The following TPR variants were observed in gnomAD, a reference collection of about 807,000 sequenced individuals.
The protein encoded by TPR is nucleoprotein TPR.
TPR carries 51 observed loss-of-function variants against 316.1 expected under a neutral mutation model. The observed-to-expected ratio is 0.16, with a 90% confidence interval of 0.13 to 0.20. The LOEUF is 0.20. Ranked by LOEUF, TPR falls within the 10% of genes least tolerant of loss-of-function variation. The probability of loss-of-function intolerance (pLI) is 1.00; values close to 1 mark genes in which losing one functional copy is unlikely to be tolerated. For synonymous variants in TPR, 981 were observed against 914.7 expected, an observed-to-expected ratio of 1.07 and a Z score of -1.31; for missense variants, 2,272 against 2,754.8, an observed-to-expected ratio of 0.82 and a Z score of 3.92.
chr1:186,356,036 A>G (rs1446510475), intron 15 of TPR, among the ~76,000 whole-genome samples: 3 of 152,204 alleles, frequency 2.0e-5, no homozygotes, highest in African/African-American at 7.2e-5. Context: ...TGGTCATTAA[A>G]ACATAACCAA....
rs1657798148 is a variant in TPR, at chr1:186,322,394, C to T, written c.6385G>A (p.Asp2129Asn). The T allele has an allele frequency of 6.2e-7, 1 of 1,612,926 alleles. No homozygotes were observed. The highest frequency in any genetic ancestry group is 8.5e-7 in the Non-Finnish European group (1 of 1,179,666). ...GTACTTGGAACTGTTCTGTCTTCAT[C>T]ATCAAAAAAATGCTGTTGCTAAAAC... Reference protein sequence around the residue: ...IGGMQQHFFDDEDRTVPSTPT... With the variant: ...IGGMQQHFFDNEDRTVPSTPT... The change falls in exon 45 of 51, where the codon GAT becomes AAT. Residue 2129 changes from aspartate to asparagine, a missense_variant. Around this residue, in one of 10 missense-constraint regions of TPR, gnomAD observed 88 missense variants for 176.2 expected, o/e 0.50. Coordinates refer to ENST00000367478, the MANE Select transcript of TPR (RefSeq NM_003292.3).
intron 27 of TPR, 163 bp downstream of exon 27, chr1:186,343,163 A>T: frequency 2.4e-6 from 2 of 822,808 alleles, no homozygotes; most frequent in Non-Finnish European, 3.4e-6. Context: ...CTTTACTTTT[A>T]AGCACTATAC....
chr1:186,340,565 G>A (rs981670870), intron 29 of TPR, among the ~76,000 whole-genome samples: 2 of 151,776 alleles, frequency 1.3e-5, no homozygotes, highest in Non-Finnish European at 2.9e-5. Context: ...CCAAGTAGAT[G>A]GGACTACAGG....
chr1:186,334,935 C>A, intron 35 of TPR, 133 bp downstream of exon 35: 1 of 868,560 alleles, frequency 1.2e-6, no homozygotes, highest in Non-Finnish European at 1.7e-6. Context: ...TACAGTTCTG[C>A]AGAGAAAACA....
chr1:186,321,965 T>C (rs925917153), intron 45 of TPR, among the ~76,000 whole-genome samples: 1 of 152,190 alleles, frequency 6.6e-6, no homozygotes, highest in African/African-American at 2.4e-5. Context: ...CTATTGTTAT[T>C]CCCATTTTTA....
Position 186,375,236 on chromosome 1 carries a change from C to T in TPR, c.-208G>A. Reference sequence around the variant, plus strand: ...CGGCAGCGTTTCAGCAACAGCACCTCACCGCCCGCGACCGAAGTGCGCGCG... The same window carrying T: ...CGGCAGCGTTTCAGCAACAGCACCTTACCGCCCGCGACCGAAGTGCGCGCG... On this transcript the variant is annotated 5_prime_UTR_variant, in exon 1 of 51. Coordinates refer to ENST00000367478, the MANE Select transcript of TPR (RefSeq NM_003292.3). 1 of 1,458,350 alleles carries T rather than the reference C, an allele frequency of 6.9e-7. No homozygotes were observed. The highest frequency in any genetic ancestry group is 9.1e-7 in the Non-Finnish European group (1 of 1,103,462). 90.3% of individuals were successfully genotyped at this position (1,458,350 alleles called of 1,614,324 possible).
chr1:186,332,463 T>C lies in TPR; in HGVS notation c.5456-120A>G, dbSNP rs985882799. 2.9e-6 allele frequency: 3 copies of C among 1,049,268 alleles called. No homozygotes were observed. The African/African-American group carries it at 5.0e-5, about 17-fold the overall frequency. 65.0% of individuals were successfully genotyped at this position (1,049,268 alleles called of 1,614,324 possible). A position where few individuals can be genotyped will look rare whatever the true frequency, so the allele number is the denominator to read the frequency against. Reference sequence around the variant, plus strand: ...CACAGTAAACATTTAATTGTACAGATTACTAAAATACAATCAATCAACTCC... The same window carrying C: ...CACAGTAAACATTTAATTGTACAGACTACTAAAATACAATCAATCAACTCC... On this transcript the variant is annotated intron_variant, in intron 37 of 50. Transcript: ENST00000367478.
intron 21 of TPR, among the ~76,000 whole-genome samples, chr1:186,348,910 A>T (rs1446249348): frequency 6.6e-6 from 1 of 152,178 alleles, no homozygotes; most frequent in Non-Finnish European, 1.5e-5. Context: ...ATCAATAGGA[A>T]AGTATATAAT....
chr1:186,320,790 T>C (rs977294581), intron 45 of TPR, among the ~76,000 whole-genome samples: 1 of 152,210 alleles, frequency 6.6e-6, no homozygotes, highest in South Asian at 2.1e-4. Flanking sequence ...CAAAGTTTTA[T>C]CTTAGTTTTC....
chr1:186,335,562 G>A lies in TPR; in HGVS notation c.4706-19C>T, dbSNP rs774607370. ...TTTACACCTAAAGAAGTAACCAGGC[G>A]ATTATATTAATATTATAATCAAACA... On this transcript the variant is annotated intron_variant, in intron 33 of 50. Coordinates refer to ENST00000367478, the MANE Select transcript of TPR (RefSeq NM_003292.3). 3.8e-5 allele frequency: 59 copies of A among 1,544,762 alleles called. No individual in the cohort carries two copies. Among genetic ancestry groups the A allele is most frequent in the Middle Eastern group, 1.7e-4 (1 of 5,734 alleles).
intron 6 of TPR, 102 bp from the exon 7 acceptor site, chr1:186,362,482 C>T: frequency 1.2e-6 from 1 of 824,164 alleles, no homozygotes; most frequent in East Asian, 2.8e-5. Context: ...AACTCCCCCT[C>T]CCCACCTGAA....
chr1:186,341,378 T>G lies in TPR; in HGVS notation c.3762A>C (p.Lys1254Asn). ...TCAGTTCTTCATGCTGAGCCATTGT[T>G]TTTGCAGTTACCTAAACATTTCAAA... is the stretch of plus-strand genomic sequence containing the variant. The part of the protein sequence containing the change: ...AEREKVQVTA[K>N]TMAQHEELMK... Residue 1254 changes from lysine (K) to asparagine (N), a missense_variant, in exon 28 of 51, where the codon AAA (lysine) becomes AAC (asparagine). Around this residue, in one of 10 missense-constraint regions of TPR, gnomAD observed 757 missense variants for 859.8 expected, o/e 0.88. Transcript: ENST00000367478. The G allele has an allele frequency of 6.2e-7, 1 of 1,612,634 alleles. No individual in the cohort carries two copies. The highest frequency in any genetic ancestry group is 8.5e-7 in the Non-Finnish European group (1 of 1,179,846).
intron 39 of TPR, among the ~76,000 whole-genome samples, chr1:186,328,883 T>A (rs1658074697): frequency 6.6e-6 from 1 of 152,218 alleles, no homozygotes; most frequent in African/African-American, 2.4e-5. Flanking sequence ...AAGTTAAATG[T>A]CTTTTTGGCT....
chr1:186,337,269 G>A (rs1658367674), intron 31 of TPR, 113 bp from the exon 32 acceptor site: 46 of 1,312,678 alleles, frequency 3.5e-5, no homozygotes, highest in Non-Finnish European at 4.5e-5. Flanking sequence ...TATCCCTGAA[G>A]GTATTCAAAA....
chr1:186,362,732 TC>T, intron 6 of TPR, 104 bp downstream of exon 6: 1 of 1,005,644 alleles, frequency 9.9e-7, no homozygotes, highest in Middle Eastern at 3.2e-4. Flanking sequence ...TAACCACTCA[TC>T]TTACAACTAA....
Position 186,339,725 on chromosome 1 carries a change from C to G in TPR, c.4068G>C (p.Lys1356Asn). The G allele has an allele frequency of 6.2e-7, 1 of 1,604,028 alleles. No homozygotes were observed. The highest frequency in any genetic ancestry group is 8.5e-7 in the Non-Finnish European group (1 of 1,175,186). ...QKDPDTEEYR[K>N]LLSEKEVHTK... Reference sequence around the variant, plus strand: ...TATGAACTTCCTTTTCAGAAAGGAGCTTCCGATATTCTTCTGTATCTGGAT... The same window carrying G: ...TATGAACTTCCTTTTCAGAAAGGAGGTTCCGATATTCTTCTGTATCTGGAT... Residue 1356 changes from lysine to asparagine, a missense_variant, in exon 30 of 51, where the codon AAG becomes AAC. Transcript: ENST00000367478.
chr1:186,326,603 A>C (rs943351872), intron 40 of TPR, among the ~76,000 whole-genome samples: 2 of 151,962 alleles, frequency 1.3e-5, no homozygotes, highest in Non-Finnish European at 2.9e-5. Flanking sequence ...TATTAATCTA[A>C]AATAAGAAGC....
chr1:186,323,994 G>T, intron 42 of TPR, 124 bp from the exon 43 acceptor site: 1 of 980,916 alleles, frequency 1.0e-6, no homozygotes, highest in Non-Finnish European at 1.4e-6. Context: ...CAGAAGTAAA[G>T]TAGTGAGGTG....
intron 9 of TPR, 89 bp from the exon 10 acceptor site, chr1:186,360,994 A>G: frequency 1.5e-6 from 2 of 1,294,550 alleles, no homozygotes; most frequent in South Asian, 3.0e-5. Flanking sequence ...TTCTCCCCTC[A>G]GCAGATAATA....
Sources: gnomAD v4.1 joint callset for allele counts (sites outside exome capture counted in the v4.1 genomes callset) on GRCh38, gnomAD v4.1.1 for gene constraint, gnomAD v4.1.1 regional missense constraint, MANE v1.5 for transcripts, NCBI Gene and HGNC (gene_info 2026-07-23, HGNC 2026-07-21) for gene names.